Variants in DLG2 observed in about 807,000 individuals in gnomAD.
DLG2 encodes the protein disks large homolog 2.
DLG2 carries 45 observed loss-of-function variants against 132.5 expected under a neutral mutation model. The ratio of observed to expected loss-of-function variants is 0.34; its 90% CI spans 0.27 to 0.44. The LOEUF (loss-of-function observed/expected upper bound fraction) is 0.44. DLG2 is among the 20% of genes least tolerant of loss of function. DLG2 has a pLI of 1.00. For missense variants in DLG2, 1,045 were observed against 1,196.9 expected (o/e 0.87, Z 1.87); for synonymous variants, 424 against 419.6 (o/e 1.01, Z -0.13).
At chr11:83,882,233 T>G (rs1395706595) in intron 15 of DLG2, among the ~76,000 whole-genome samples, 15 of 152,142 alleles carry the variant, frequency 9.9e-5, no homozygotes, top group African/African-American at 3.6e-4. Context: ...GGCCAGACGT[T>G]GAAAATTCCA....
At chr11:85,105,773 A>C (rs1414983081) in intron 6 of DLG2, among the ~76,000 whole-genome samples, 1 of 151,986 alleles carries the variant, frequency 6.6e-6, no homozygotes, top group African/African-American at 2.4e-5. Context: ...ACAACTCTTC[A>C]AAGCCATTCT....
intron 6 of DLG2, among the ~76,000 whole-genome samples, chr11:84,548,967 A>T (rs547625577): frequency 5.3e-5 from 8 of 152,354 alleles, no homozygotes; most frequent in Admixed American, 2.6e-4. Flanking sequence ...TGAGGAATAA[A>T]AAGAATTAGA....
At chr11:84,540,605 AC>A (rs1219640258) in intron 6 of DLG2, among the ~76,000 whole-genome samples, 16 of 152,196 alleles carry the variant, frequency 1.1e-4, no homozygotes, top group Admixed American at 3.3e-4. Context: ...ACCGTAAACT[AC>A]TTCCACCATT....
At chr11:83,538,117 A>G (rs2095944748) in intron 20 of DLG2, among the ~76,000 whole-genome samples, 1 of 152,230 alleles carries the variant, frequency 6.6e-6, no homozygotes, top group African/African-American at 2.4e-5. Flanking sequence ...ACAATGTCTG[A>G]TCTATAGTAA....
intron 6 of DLG2, among the ~76,000 whole-genome samples, chr11:85,110,528 T>G (rs1237535313): frequency 1.3e-5 from 2 of 152,128 alleles, no homozygotes; most frequent in Non-Finnish European, 2.9e-5. Flanking sequence ...AACATTTTTA[T>G]TCTCTGAGTC....
intron 16 of DLG2, among the ~76,000 whole-genome samples, chr11:83,854,363 G>C (rs1210449994): frequency 6.6e-6 from 1 of 152,058 alleles, no homozygotes; most frequent in Non-Finnish European, 1.5e-5. Context: ...GTTATTTTGT[G>C]AACTTTATAT....
intron 6 of DLG2, among the ~76,000 whole-genome samples, chr11:84,797,801 G>A (rs186954258): frequency 3.9e-5 from 6 of 152,090 alleles, no homozygotes; most frequent in African/African-American, 9.7e-5. Context: ...TGAAGAGCTC[G>A]GGATTTCTTG....
chr11:84,065,046 T>C (rs940333143), intron 10 of DLG2, among the ~76,000 whole-genome samples: 1 of 152,104 alleles, frequency 6.6e-6, no homozygotes, highest in African/African-American at 2.4e-5. Context: ...ACCCCTTCCT[T>C]AAACAATCTG....
intron 5 of DLG2, among the ~76,000 whole-genome samples, chr11:85,131,465 T>C (rs1324006326): frequency 6.6e-6 from 1 of 152,152 alleles, no homozygotes; most frequent in Non-Finnish European, 1.5e-5. Flanking sequence ...ATATTTCCTT[T>C]AGTAGATTAC....
At chr11:84,480,937 C>T (rs1194149351) in intron 7 of DLG2, among the ~76,000 whole-genome samples, 6 of 152,006 alleles carry the variant, frequency 3.9e-5, no homozygotes, top group African/African-American at 1.2e-4. Flanking sequence ...CGGGATTTCA[C>T]GATGTTGGCC....
At chr11:85,109,259 A>C (rs1271581321) in intron 6 of DLG2, among the ~76,000 whole-genome samples, 1 of 152,084 alleles carries the variant, frequency 6.6e-6, no homozygotes, top group East Asian at 1.9e-4. Context: ...TGGGAGATAT[A>C]ATTACTTTTA....
intron 7 of DLG2, among the ~76,000 whole-genome samples, chr11:84,424,448 T>TAA (rs941039858): frequency 5.3e-5 from 8 of 151,560 alleles, no homozygotes; most frequent in Non-Finnish European, 7.4e-5. Flanking sequence ...TATATTCATT[T>TAA]AAAAAAAAAC....
chr11:84,830,524 A>G (rs942051474), intron 6 of DLG2, among the ~76,000 whole-genome samples: 2 of 151,546 alleles, frequency 1.3e-5, no homozygotes, highest in Admixed American at 1.3e-4. Flanking sequence ...AACTCTTGTC[A>G]CCTTGTGAAA....
intron 6 of DLG2, among the ~76,000 whole-genome samples, chr11:84,680,869 C>A (rs560379270): frequency 6.6e-6 from 1 of 152,172 alleles, no homozygotes; most frequent in South Asian, 2.1e-4. Flanking sequence ...AATGCTAGAA[C>A]CCAAGTTGAG....
chr11:84,289,748 G>A (rs773244101), intron 7 of DLG2, among the ~76,000 whole-genome samples: 4 of 152,158 alleles, frequency 2.6e-5, no homozygotes, highest in Non-Finnish European at 1.5e-5. Context: ...GCAGAAGTGG[G>A]AGAAATAGTT....
At chr11:84,433,775 T>C (rs1242583802) in intron 7 of DLG2, among the ~76,000 whole-genome samples, 2 of 152,162 alleles carry the variant, frequency 1.3e-5, no homozygotes, top group Non-Finnish European at 2.9e-5. Flanking sequence ...TGAGTACAAA[T>C]GCCAACGTTA....
At chr11:84,559,926 A>T (rs561110084) in intron 6 of DLG2, among the ~76,000 whole-genome samples, 11 of 152,224 alleles carry the variant, frequency 7.2e-5, no homozygotes, top group African/African-American at 2.6e-4. Context: ...ATGACATGTT[A>T]TCCCATTTGT....
intron 11 of DLG2, among the ~76,000 whole-genome samples, chr11:84,051,848 AT>A (rs1304639781): frequency 1.3e-5 from 2 of 151,896 alleles, no homozygotes; most frequent in African/African-American, 4.8e-5. Flanking sequence ...GAGGATTAAT[AT>A]TTTGTAAGTG....
intron 7 of DLG2, among the ~76,000 whole-genome samples, chr11:84,335,042 T>C (rs1265591382): frequency 6.6e-6 from 1 of 151,302 alleles, no homozygotes; most frequent in Admixed American, 6.6e-5. Flanking sequence ...CTCAAAAATA[T>C]ATGATTTAAT....
Sources: gnomAD v4.1 joint callset for allele counts (sites outside exome capture counted in the v4.1 genomes callset) on GRCh38, gnomAD v4.1.1 for gene constraint, MANE v1.5 for transcripts, NCBI Gene and HGNC (gene_info 2026-07-23, HGNC 2026-07-21) for gene names.